The following RYR2 variants were observed in gnomAD, a reference collection of about 807,000 sequenced individuals.
The protein encoded by RYR2 is ryanodine receptor 2, also known as cardiac muscle ryanodine receptor-calcium release channel.
A neutral mutation model predicts 601.1 loss-of-function variants in RYR2; 227 were observed. The ratio of observed to expected loss-of-function variants is 0.38; its 90% confidence interval spans 0.34 to 0.42. RYR2 has a LOEUF of 0.42. Ranked by LOEUF, RYR2 falls within the 10% of genes least tolerant of loss-of-function variation. RYR2 has a pLI of 1.00. For synonymous variants in RYR2, 2,223 were observed against 2,175.1 expected (o/e 1.02, Z -0.61); for missense variants, 4,646 against 6,156.5 (o/e 0.75, Z 8.21).
In RYR2 at chr1:237,168,524, T is replaced by TG. The variant is rs113857319; in HGVS notation, c.49-101972dup. The stretch of plus-strand genomic sequence containing the variant: ...GTTGATAGATTTCCAAGCCTTCTGT[T>TG]GTTCTATACTCTCTCTTTTCCTGCC... On this transcript the variant is annotated intron_variant, in intron 1 of 104. Transcript: ENST00000366574. 4.0e-3 allele frequency among the ~76,000 whole-genome samples: 606 copies of TG among 152,276 alleles called. 5 individuals carry two copies. Among genetic ancestry groups the TG allele is most frequent in the African/African-American group, 0.014 (577 of 41,534 alleles).
chr1:237,519,347 CT>C (rs1283211459), intron 24 of RYR2, among the ~76,000 whole-genome samples: 1 of 152,094 alleles, frequency 6.6e-6, no homozygotes, highest in Non-Finnish European at 1.5e-5. Context: ...GTCATAAATT[CT>C]TTGCCTAGAC....
chr1:237,488,797 C>A (rs1364006442), intron 17 of RYR2, among the ~76,000 whole-genome samples: 1 of 152,186 alleles, frequency 6.6e-6, no homozygotes, highest in Non-Finnish European at 1.5e-5. Flanking sequence ...CCATCCTTCG[C>A]TGACTCCTTT....
chr1:237,186,957 G>A (rs1679412750), intron 1 of RYR2, among the ~76,000 whole-genome samples: 1 of 152,146 alleles, frequency 6.6e-6, no homozygotes, highest in Non-Finnish European at 1.5e-5. Flanking sequence ...GGCTTTTTGA[G>A]GAGGAGACAC....
intron 96 of RYR2, 26 bp from the exon 97 acceptor site, chr1:237,798,011 C>T: frequency 6.3e-7 from 1 of 1,594,978 alleles, no homozygotes; most frequent in South Asian, 1.2e-5. Flanking sequence ...TTGAAGCCAA[C>T]AAAATGCTTT....
intron 25 of RYR2, among the ~76,000 whole-genome samples, chr1:237,535,818 A>C (rs931198564): frequency 1.3e-5 from 2 of 152,226 alleles, no homozygotes; most frequent in African/African-American, 4.8e-5. Flanking sequence ...TTGATGCTTA[A>C]TAAAGACGAA....
intron 100 of RYR2, among the ~76,000 whole-genome samples, chr1:237,813,624 A>G (rs1003035174): frequency 1.2e-4 from 18 of 152,222 alleles, no homozygotes; most frequent in African/African-American, 4.1e-4. Context: ...TTAGGAAGAC[A>G]ACTGCCTTCA....
chr1:237,719,625 T>C (rs1041626135), intron 73 of RYR2, among the ~76,000 whole-genome samples: 28 of 152,072 alleles, frequency 1.8e-4, no homozygotes, highest in African/African-American at 6.3e-4. Context: ...AAGCCACTTA[T>C]GAAAGTTTTG....
At chr1:237,077,066 A>T (rs2148366690) in intron 1 of RYR2, among the ~76,000 whole-genome samples, 1 of 44,212 alleles carries the variant, frequency 2.3e-5, no homozygotes, top group African/African-American at 6.8e-5. Flanking sequence ...TTTATAGACA[A>T]GCAAATGTTG....
intron 1 of RYR2, among the ~76,000 whole-genome samples, chr1:237,065,935 A>G (rs1423829065): frequency 6.6e-6 from 1 of 152,184 alleles, no homozygotes; most frequent in Non-Finnish European, 1.5e-5. Flanking sequence ...CCAGATTTCA[A>G]GAGCACTTGC....
intron 12 of RYR2, among the ~76,000 whole-genome samples, chr1:237,424,948 G>A (rs1019769170): frequency 3.9e-5 from 6 of 152,170 alleles, no homozygotes; most frequent in Non-Finnish European, 8.8e-5. Context: ...GCAGGAAATA[G>A]AGAACATTAA....
chr1:237,732,033 G>T lies in RYR2; in HGVS notation c.10936-13G>T, dbSNP rs376086028. ...TTTTAATGTGACATTTTATAAATTTGACTTTTTTGCAGAAACCTGGGGCTG... is the reference window on the plus strand; with the variant it reads ...TTTTAATGTGACATTTTATAAATTTTACTTTTTTGCAGAAACCTGGGGCTG... On this transcript the variant is annotated splice_polypyrimidine_tract_variant and intron_variant, in intron 77 of 104. Transcript: ENST00000366574. The T allele has an allele frequency of 2.8e-5, 44 of 1,554,142 alleles. No individual in the cohort carries two copies. The highest frequency in any genetic ancestry group is 3.7e-5 in the Non-Finnish European group (42 of 1,135,076).
At chr1:237,098,491 T>C (rs1447328001) in intron 1 of RYR2, among the ~76,000 whole-genome samples, 1 of 152,040 alleles carries the variant, frequency 6.6e-6, no homozygotes, top group Non-Finnish European at 1.5e-5. Flanking sequence ...TAACATGCTG[T>C]CCATTATTCA....
At chr1:237,769,948 G>A (rs1694145396) in intron 84 of RYR2, among the ~76,000 whole-genome samples, 1 of 152,014 alleles carries the variant, frequency 6.6e-6, no homozygotes, top group Admixed American at 6.5e-5. Context: ...TGCTTTCAAA[G>A]TAACTTGTGA....
chr1:237,767,718 C>G (rs1367112134), intron 84 of RYR2, among the ~76,000 whole-genome samples: 1 of 152,148 alleles, frequency 6.6e-6, no homozygotes, highest in East Asian at 1.9e-4. Context: ...AGCAGTCATA[C>G]TTAAGCCGCT....
At chr1:237,759,217 G>A (rs144124378) in intron 82 of RYR2, among the ~76,000 whole-genome samples, 149 of 152,260 alleles carry the variant, frequency 9.8e-4, no homozygotes, top group African/African-American at 3.5e-3. Flanking sequence ...CTCCCGAGTA[G>A]CTGGGACTAC....
In RYR2 at chr1:237,388,076, T is replaced by A. The variant is rs10754602; in HGVS notation, c.677-11T>A. On this transcript the variant is annotated splice_polypyrimidine_tract_variant and intron_variant, in intron 9 of 104. Transcript: ENST00000366574. ...GACAGTCCAGACCTGAATGATTTTTTATCCTTACAGGGTATCTCATTGGTG... is the reference window on the plus strand; with the variant it reads ...GACAGTCCAGACCTGAATGATTTTTAATCCTTACAGGGTATCTCATTGGTG... The A allele has an allele frequency of 0.56, 904,060 of 1,610,562 alleles. 255,884 individuals are homozygous for A. The highest frequency in any genetic ancestry group is 0.74 in the Admixed American group (44,394 of 59,804).
chr1:237,418,324 G>C (rs1705219517), intron 11 of RYR2, among the ~76,000 whole-genome samples: 1 of 152,166 alleles, frequency 6.6e-6, no homozygotes, highest in East Asian at 1.9e-4. Context: ...TCACAGGTGT[G>C]AGCCACCACG....
chr1:237,714,958 A>G (rs1305843532), intron 71 of RYR2, among the ~76,000 whole-genome samples: 1 of 126,786 alleles, frequency 7.9e-6, no homozygotes, highest in African/African-American at 2.9e-5. Context: ...ACACCACTGC[A>G]CTCCAGCCTG....
At chr1:237,323,507 GAC>G (rs1172671089) in intron 2 of RYR2, among the ~76,000 whole-genome samples, 1 of 152,156 alleles carries the variant, frequency 6.6e-6, no homozygotes, top group Non-Finnish European at 1.5e-5. Flanking sequence ...GTTTTGCACT[GAC>G]ACGTCTGAGT....
Sources: gnomAD v4.1 joint callset for allele counts (sites outside exome capture counted in the v4.1 genomes callset) on GRCh38, gnomAD v4.1.1 for gene constraint, MANE v1.5 for transcripts, NCBI Gene and HGNC (gene_info 2026-07-23, HGNC 2026-07-21) for gene names.